Variants in CDH4 observed in about 807,000 individuals in gnomAD.
CDH4 encodes the protein cadherin 4, also known as cadherin-4.
CDH4 carries 33 observed loss-of-function variants against 86.0 expected under a neutral mutation model. The observed-to-expected ratio is 0.38, with a 90% confidence interval of 0.29 to 0.51. The LOEUF (loss-of-function observed/expected upper bound fraction) is 0.51, where lower values mean the gene tolerates loss of function less well. Among genes scored for constraint, CDH4 ranks in the 20% least tolerant of loss-of-function variants. The pLI is 0.86. For synonymous variants in CDH4, 555 were observed against 549.4 expected, an observed-to-expected ratio of 1.01 and a Z score of -0.14; for missense variants, 1,114 against 1,307.4, an observed-to-expected ratio of 0.85 and a Z score of 2.28.
intron 4 of CDH4, among the ~76,000 whole-genome samples, chr20:61,841,695 T>G (rs1015104396): frequency 4.2e-5 from 5 of 120,336 alleles, no homozygotes; most frequent in Non-Finnish European, 8.6e-5. Context: ...AGGAGGTGCA[T>G]TGCGGGGGGG....
intron 13 of CDH4, among the ~76,000 whole-genome samples, chr20:61,931,650 T>A (rs945323382): frequency 6.6e-6 from 1 of 152,114 alleles, no homozygotes; most frequent in Non-Finnish European, 1.5e-5. Flanking sequence ...TGTGCAGGCA[T>A]TTACTGGGGG....
chr20:61,492,522 A>G (rs1333539810), intron 2 of CDH4, among the ~76,000 whole-genome samples: 1 of 152,128 alleles, frequency 6.6e-6, no homozygotes, highest in African/African-American at 2.4e-5. Flanking sequence ...TGATGGCGGT[A>G]CTGATGTTCC....
At chr20:61,348,614 C>T (rs978449738) in intron 2 of CDH4, among the ~76,000 whole-genome samples, 9 of 152,166 alleles carry the variant, frequency 5.9e-5, no homozygotes, top group Non-Finnish European at 1.5e-5. Flanking sequence ...GTTTAAATAA[C>T]CCAGGATCAG....
intron 2 of CDH4, among the ~76,000 whole-genome samples, chr20:61,424,954 A>T (rs2085203710): frequency 6.6e-6 from 1 of 152,132 alleles, no homozygotes; most frequent in South Asian, 2.1e-4. Flanking sequence ...AAAAAACTGG[A>T]CCCACCACGT....
At chr20:61,792,018 C>G (rs1052548073) in intron 4 of CDH4, among the ~76,000 whole-genome samples, 1 of 152,150 alleles carries the variant, frequency 6.6e-6, no homozygotes, top group Non-Finnish European at 1.5e-5. Context: ...GTCTATCATC[C>G]CCTGGATGCC....
chr20:61,288,201 G>GAA (rs11480765), intron 2 of CDH4, among the ~76,000 whole-genome samples: 48 of 151,394 alleles, frequency 3.2e-4, no homozygotes, highest in South Asian at 2.5e-3. Context: ...CATTTTCCCA[G>GAA]AAAAAAAAAT....
chr20:61,332,164 G>A (rs1471886177), intron 2 of CDH4, among the ~76,000 whole-genome samples: 2 of 152,190 alleles, frequency 1.3e-5, no homozygotes, highest in Non-Finnish European at 2.9e-5. Flanking sequence ...CTGCCAGCCT[G>A]CCCGTGGCCC....
chr20:61,704,100 A>G (rs2087805188), intron 2 of CDH4, among the ~76,000 whole-genome samples: 1 of 151,968 alleles, frequency 6.6e-6, no homozygotes, highest in Non-Finnish European at 1.5e-5. Flanking sequence ...GGGGTCGGGC[A>G]CCAGTGGCTG....
At chr20:61,389,852 A>G (rs2084971836) in intron 2 of CDH4, among the ~76,000 whole-genome samples, 1 of 152,148 alleles carries the variant, frequency 6.6e-6, no homozygotes, top group Non-Finnish European at 1.5e-5. Context: ...TAGGGTGCCC[A>G]TAGTGCCGTG....
intron 4 of CDH4, among the ~76,000 whole-genome samples, chr20:61,806,203 G>A (rs761621853): frequency 2.2e-4 from 34 of 152,354 alleles, no homozygotes; most frequent in Non-Finnish European, 4.6e-4. Flanking sequence ...GGACCCTTGC[G>A]TCTTCCCAGA....
chr20:61,557,060 G>A (rs1301170891), intron 2 of CDH4, among the ~76,000 whole-genome samples: 1 of 152,170 alleles, frequency 6.6e-6, no homozygotes, highest in African/African-American at 2.4e-5. Context: ...TTCAGTTTTA[G>A]CCTTCCTCTT....
At chr20:61,504,310 C>T (rs983482899) in intron 2 of CDH4, among the ~76,000 whole-genome samples, 1 of 152,212 alleles carries the variant, frequency 6.6e-6, no homozygotes, top group Non-Finnish European at 1.5e-5. Flanking sequence ...GTTCCTCTCT[C>T]AAGGAAGCCT....
At chr20:61,310,658 G>C (rs1323995530) in intron 2 of CDH4, among the ~76,000 whole-genome samples, 1 of 152,078 alleles carries the variant, frequency 6.6e-6, no homozygotes, top group Admixed American at 6.6e-5. Context: ...CCGGGGTTGG[G>C]TACCCGCAGC....
chr20:61,703,295 C>T lies in CDH4; in HGVS notation c.170-40268C>T, dbSNP rs2087795597. Among the ~76,000 whole-genome samples the T allele has an allele frequency of 6.6e-6, 1 of 152,092 alleles. No homozygotes were observed. The highest frequency in any genetic ancestry group is 2.4e-5 in the African/African-American group (1 of 41,406). On this transcript the variant is annotated intron_variant, in intron 2 of 15. Coordinates refer to ENST00000614565, the MANE Select transcript of CDH4 (RefSeq NM_001794.5). The surrounding 1 kb of genome is among the most constrained non-coding windows in gnomAD (Gnocchi z 4.3). The stretch of plus-strand genomic sequence containing the variant: ...GCACAGAGACCTGAGCATCATGAGG[C>T]ATTCATCCTAGTTTAAGGAGACGGG...
intron 2 of CDH4, among the ~76,000 whole-genome samples, chr20:61,604,320 CT>C (rs1162358329): frequency 2.6e-5 from 4 of 152,240 alleles, no homozygotes; most frequent in Non-Finnish European, 5.9e-5. Flanking sequence ...CAGCGCCTGT[CT>C]TTGCACCTAA....
At chr20:61,397,973 C>T (rs1043004334) in intron 2 of CDH4, among the ~76,000 whole-genome samples, 3 of 152,190 alleles carry the variant, frequency 2.0e-5, no homozygotes, top group African/African-American at 7.2e-5. Context: ...CCCGATGGAG[C>T]AGGACAAGGC....
chr20:61,267,021 G>A (rs574843461), intron 2 of CDH4, among the ~76,000 whole-genome samples: 1 of 152,254 alleles, frequency 6.6e-6, no homozygotes, highest in East Asian at 1.9e-4. Flanking sequence ...GGCAGAGATT[G>A]GAGCAATGCA....
chr20:61,306,876 C>T (rs530489409), intron 2 of CDH4, among the ~76,000 whole-genome samples: 49 of 152,260 alleles, frequency 3.2e-4, no homozygotes, highest in East Asian at 1.9e-4. Context: ...TTCACCTGTA[C>T]GCCTGGCTTC....
At chr20:61,358,614 AT>A (rs1197580647) in intron 2 of CDH4, among the ~76,000 whole-genome samples, 1 of 152,230 alleles carries the variant, frequency 6.6e-6, no homozygotes, top group South Asian at 2.1e-4. Flanking sequence ...GTAAAGAGAT[AT>A]CCCCGTATTT....
Sources: allele counts gnomAD v4.1 joint callset (sites outside exome capture counted in the v4.1 genomes callset), GRCh38; gene constraint gnomAD v4.1.1; non-coding constraint Gnocchi (gnomAD v3.1); transcripts MANE v1.5; gene names NCBI Gene and HGNC (gene_info 2026-07-23, HGNC 2026-07-21).